Variants in INSYN2A observed in about 807,000 individuals in gnomAD.
INSYN2A encodes the protein inhibitory synaptic factor 2A.
A neutral mutation model predicts 39.4 loss-of-function variants in INSYN2A; 17 were observed. The ratio of observed to expected loss-of-function variants is 0.43; its 90% CI spans 0.30 to 0.65. The LOEUF is 0.65. Among genes scored for constraint, INSYN2A ranks in the 30% least tolerant of loss-of-function variants. The pLI, the probability that INSYN2A is intolerant of heterozygous loss-of-function variation, is 0.14. For synonymous variants in INSYN2A, 255 were observed against 265.7 expected, an observed-to-expected ratio of 0.96 and a Z score of 0.39; for missense variants, 595 against 631.2, an observed-to-expected ratio of 0.94 and a Z score of 0.61.
intron 4 of INSYN2A, among the ~76,000 whole-genome samples, chr10:127,159,238 A>G (rs2053370616): frequency 6.6e-6 from 1 of 152,202 alleles, no homozygotes; most frequent in Non-Finnish European, 1.5e-5. Flanking sequence ...CTTTCTTCAC[A>G]GGACTTTGCT....
intron 2 of INSYN2A, among the ~76,000 whole-genome samples, chr10:127,186,472 T>C (rs936545251): frequency 7.4e-6 from 1 of 135,478 alleles, no homozygotes. Context: ...TCCTGCGATT[T>C]CACTCACAAT....
intron 2 of INSYN2A, among the ~76,000 whole-genome samples, chr10:127,188,715 C>T (rs901576642): frequency 7.2e-5 from 11 of 152,202 alleles, no homozygotes; most frequent in Non-Finnish European, 1.3e-4. Context: ...GGCAAGTGAT[C>T]TAACCTGGGA....
chr10:127,173,600 C>G (rs942726346), intron 4 of INSYN2A, among the ~76,000 whole-genome samples: 1 of 152,082 alleles, frequency 6.6e-6, no homozygotes, highest in Non-Finnish European at 1.5e-5. Context: ...TTTATTTCAC[C>G]AAAGATGTTG....
intron 4 of INSYN2A, among the ~76,000 whole-genome samples, chr10:127,166,345 G>A (rs975589041): frequency 2.0e-5 from 3 of 152,088 alleles, no homozygotes; most frequent in East Asian, 1.9e-4. Context: ...GATTACAGGC[G>A]TGAGCCACCG....
chr10:127,151,542 C>T (rs746032789), intron 5 of INSYN2A, among the ~76,000 whole-genome samples: 37 of 152,262 alleles, frequency 2.4e-4, no homozygotes, highest in Non-Finnish European at 5.0e-4. Flanking sequence ...TCTAGAATGC[C>T]TCTCCCATTT....
chr10:127,150,142 C>T (rs936222489), intron 5 of INSYN2A, among the ~76,000 whole-genome samples: 1 of 152,180 alleles, frequency 6.6e-6, no homozygotes, highest in Non-Finnish European at 1.5e-5. Context: ...TCTATACTTC[C>T]GAGATGCTGT....
At chr10:127,192,991 A>C (rs1172842124) in intron 1 of INSYN2A, among the ~76,000 whole-genome samples, 1 of 152,214 alleles carries the variant, frequency 6.6e-6, no homozygotes, top group Admixed American at 6.5e-5. Context: ...GACTTCTCTC[A>C]ATGTTTGTAT....
At chr10:127,159,093 C>T (rs2053354234) in intron 4 of INSYN2A, among the ~76,000 whole-genome samples, 1 of 152,138 alleles carries the variant, frequency 6.6e-6, no homozygotes, top group Non-Finnish European at 1.5e-5. Context: ...AGAACATAGA[C>T]TCTGCGACAG....
chr10:127,169,741 C>A (rs2054390493), intron 4 of INSYN2A, among the ~76,000 whole-genome samples: 1 of 152,154 alleles, frequency 6.6e-6, no homozygotes, highest in Non-Finnish European at 1.5e-5. Context: ...TAGGAGCTGA[C>A]CCTGAGCCCC....
intron 2 of INSYN2A, among the ~76,000 whole-genome samples, chr10:127,188,275 G>A (rs2056459868): frequency 1.3e-5 from 2 of 152,204 alleles, no homozygotes; most frequent in Admixed American, 1.3e-4. Flanking sequence ...TTATTGTCAT[G>A]GATGAAAATC....
chr10:127,167,319 AAAAAG>A (rs2054167678), intron 4 of INSYN2A, among the ~76,000 whole-genome samples: 1 of 152,216 alleles, frequency 6.6e-6, no homozygotes, highest in African/African-American at 2.4e-5. Flanking sequence ...GTTTCAACAG[AAAAAG>A]AAAAGAAAAT....
At chr10:127,143,149 C>T (rs1010555961) in intron 5 of INSYN2A, among the ~76,000 whole-genome samples, 7 of 152,214 alleles carry the variant, frequency 4.6e-5, no homozygotes, top group African/African-American at 1.7e-4. Context: ...GTCACTGAAT[C>T]CTCAAGATAA....
chr10:127,165,104 C>T (rs952724945), intron 4 of INSYN2A, among the ~76,000 whole-genome samples: 1 of 152,148 alleles, frequency 6.6e-6, no homozygotes, highest in African/African-American at 2.4e-5. Context: ...TTCAGGACTC[C>T]CATATTTCTT....
rs551969049 is a variant in INSYN2A at position 127,195,243 on chromosome 10, G to A, written c.-395+754C>T. On this transcript the variant is annotated intron_variant, in intron 1 of 5. Transcript: ENST00000522781. ...GACTTTGGGCTCCAGGAGCTGCCCC[G>A]ACCCCGGGCTGCCCGCGGGCTCCCT... Among the ~76,000 whole-genome samples, 7 of 152,234 alleles carry A rather than the reference G, an allele frequency of 4.6e-5. No individual in the cohort carries two copies. In the South Asian group the frequency reaches 1.5e-3, roughly 32 times the overall value.
intron 5 of INSYN2A, among the ~76,000 whole-genome samples, chr10:127,153,049 G>A (rs1383262025): frequency 1.3e-5 from 2 of 152,072 alleles, no homozygotes; most frequent in African/African-American, 2.4e-5. Context: ...TTTTTAGAGG[G>A]TTTTTTGGTT....
intron 4 of INSYN2A, among the ~76,000 whole-genome samples, chr10:127,173,790 G>A (rs2054807977): frequency 6.6e-6 from 1 of 152,198 alleles, no homozygotes; most frequent in African/African-American, 2.4e-5. Context: ...TGATGGAAAT[G>A]GGATGAAAAT....
At position 127,196,276 on chromosome 10, in the gene INSYN2A, C is replaced by T. The variant is rs1444191542; in HGVS notation, c.-674G>A. On this transcript the variant is annotated 5_prime_UTR_variant, in exon 1 of 6. Coordinates refer to ENST00000522781, the MANE Select transcript of INSYN2A (RefSeq NM_001039762.3). Reference sequence around the variant, plus strand: ...GCGTCCCTCCGGCCCCGCTTAGCGACGCGCGCGGGGAGGCAGCGGCTGGGC... The same window carrying T: ...GCGTCCCTCCGGCCCCGCTTAGCGATGCGCGCGGGGAGGCAGCGGCTGGGC... The T allele has an allele frequency of 1.3e-5, 2 of 148,936 alleles. No homozygotes were observed. Among genetic ancestry groups the T allele is most frequent in the South Asian group, 2.1e-4 (1 of 4,822 alleles). The allele number at this position is 148,936 out of a possible 1,614,324, so 9.2% of individuals were successfully genotyped here. A position where few individuals can be genotyped will look rare whatever the true frequency, so the allele number is the denominator to read the frequency against.
chr10:127,177,934 C>T (rs1039453573), intron 2 of INSYN2A, among the ~76,000 whole-genome samples: 2 of 152,162 alleles, frequency 1.3e-5, no homozygotes, highest in African/African-American at 2.4e-5. Flanking sequence ...AAATAAGCAG[C>T]GCAGGCAGGA....
chr10:127,190,137 C>A (rs1212623129), intron 2 of INSYN2A, among the ~76,000 whole-genome samples: 9 of 152,312 alleles, frequency 5.9e-5, no homozygotes, highest in Admixed American at 5.2e-4. Context: ...AATACTAGGT[C>A]ACCAAATTCA....
Sources: gnomAD v4.1 joint callset for allele counts (sites outside exome capture counted in the v4.1 genomes callset) on GRCh38, gnomAD v4.1.1 for gene constraint, MANE v1.5 for transcripts, NCBI Gene and HGNC (gene_info 2026-07-23, HGNC 2026-07-21) for gene names.